The following SLC38A12 variants were observed in gnomAD, a reference collection of about 807,000 sequenced individuals.
The protein encoded by SLC38A12 is solute carrier family 38 member 12, also known as putative sodium-coupled neutral amino acid transporter 12.
the SLC38A12 span, chr17:74,794,981 GC>G: frequency 1.3e-6 from 2 of 1,575,328 alleles, no homozygotes; most frequent in Non-Finnish European, 1.7e-6. Flanking sequence ...TCTCTTTGTG[GC>G]TCCCTGACTG....
chr17:74,782,370 T>C, the SLC38A12 span, among the ~76,000 whole-genome samples: 1 of 152,054 alleles, frequency 6.6e-6, no homozygotes, highest in South Asian at 2.1e-4. Flanking sequence ...ACCCGGCCTG[T>C]AGTTGTTTTC....
At chr17:74,809,924 T>A in the SLC38A12 span, among the ~76,000 whole-genome samples, 2 of 152,194 alleles carry the variant, frequency 1.3e-5, no homozygotes, top group Admixed American at 6.5e-5. Flanking sequence ...AGAGTTCATC[T>A]TTATCTCCGC....
chr17:74,783,819 C>T, the SLC38A12 span, among the ~76,000 whole-genome samples: 1 of 148,856 alleles, frequency 6.7e-6, no homozygotes, highest in South Asian at 2.1e-4. Context: ...CAACCTCCAC[C>T]TCCCGGGTTC....
chr17:74,836,673 G>A, the SLC38A12 span: 16 of 1,600,762 alleles, frequency 1.0e-5, no homozygotes, highest in East Asian at 2.2e-5. This position sits in a 1 kb window ranked among gnomAD's most constrained non-coding sequence, Gnocchi z 4.2. Flanking sequence ...CATCCTCAGC[G>A]AGACCAAGCT....
At chr17:74,807,235 C>T in the SLC38A12 span, among the ~76,000 whole-genome samples, 1 of 152,154 alleles carries the variant, frequency 6.6e-6, no homozygotes, top group Non-Finnish European at 1.5e-5. Context: ...CTCAGGACCC[C>T]TCTTCCCTCA....
At chr17:74,828,402 G>C in the SLC38A12 span, among the ~76,000 whole-genome samples, 1 of 152,194 alleles carries the variant, frequency 6.6e-6, no homozygotes. Context: ...TGCACAACTC[G>C]GACACCCAAA....
At chr17:74,824,448 GC>G in the SLC38A12 span, among the ~76,000 whole-genome samples, 2 of 151,970 alleles carry the variant, frequency 1.3e-5, no homozygotes, top group African/African-American at 4.8e-5. Context: ...GCGGGAGGCT[GC>G]CCCTGCCCCG....
At chr17:74,801,175 T>C in the SLC38A12 span, among the ~76,000 whole-genome samples, 5 of 152,206 alleles carry the variant, frequency 3.3e-5, no homozygotes. Flanking sequence ...CTCCTTTCCT[T>C]TTCTTCTCCC....
the SLC38A12 span, among the ~76,000 whole-genome samples, chr17:74,786,567 C>A: frequency 6.6e-6 from 1 of 151,990 alleles, no homozygotes; most frequent in East Asian, 1.9e-4. Flanking sequence ...CGTAACAGGG[C>A]GAGGGGACTA....
the SLC38A12 span, chr17:74,836,997 A>T: frequency 1.0e-4 from 116 of 1,155,990 alleles, no homozygotes; most frequent in Non-Finnish European, 1.1e-4. This position sits in a 1 kb window ranked among gnomAD's most constrained non-coding sequence, Gnocchi z 4.2. Flanking sequence ...TTCACCCCCA[A>T]CCCTACTTCC....
chr17:74,814,239 G>A, the SLC38A12 span, among the ~76,000 whole-genome samples: 68 of 152,194 alleles, frequency 4.5e-4, no homozygotes, highest in Middle Eastern at 3.4e-3. Flanking sequence ...GGGAAGCCGG[G>A]CATCCCAGGC....
the SLC38A12 span, chr17:74,839,205 A>G: frequency 2.0e-6 from 3 of 1,476,008 alleles, no homozygotes; most frequent in Non-Finnish European, 1.8e-6. Flanking sequence ...TAGACTGGGA[A>G]GCACTGCTGG....
At chr17:74,803,329 A>G in the SLC38A12 span, among the ~76,000 whole-genome samples, 1 of 152,076 alleles carries the variant, frequency 6.6e-6, no homozygotes, top group South Asian at 2.1e-4. Flanking sequence ...TGGGGTGGAC[A>G]TCATAGGCAG....
the SLC38A12 span, among the ~76,000 whole-genome samples, chr17:74,783,920 G>A: frequency 1.3e-5 from 2 of 151,396 alleles, no homozygotes; most frequent in Admixed American, 1.3e-4. Flanking sequence ...GTAGAGACAG[G>A]GTTTCACCAT....
chr17:74,787,554 G>A, the SLC38A12 span, among the ~76,000 whole-genome samples: 9 of 151,412 alleles, frequency 5.9e-5, no homozygotes, highest in African/African-American at 1.7e-4. Flanking sequence ...CCCGGGAAGC[G>A]GAGCTTGCAG....
chr17:74,805,129 C>T, the SLC38A12 span, among the ~76,000 whole-genome samples: 3 of 152,252 alleles, frequency 2.0e-5, no homozygotes, highest in East Asian at 1.9e-4. The surrounding 1 kb of genome is among the most constrained non-coding windows in gnomAD (Gnocchi z 5.0). Context: ...CCTGCTGGCG[C>T]AGATCTGTCG....
chr17:74,838,345 C>G, the SLC38A12 span: 1 of 995,172 alleles, frequency 1.0e-6, no homozygotes, highest in African/African-American at 1.7e-5. Context: ...GTGGTCAGGC[C>G]AAGAGCAAGG....
chr17:74,836,237 C>T, the SLC38A12 span: 190 of 1,611,614 alleles, frequency 1.2e-4, no homozygotes, highest in East Asian at 3.1e-3. This position sits in a 1 kb window ranked among gnomAD's most constrained non-coding sequence, Gnocchi z 4.2. Flanking sequence ...GCTGTGACGT[C>T]GTGGGCCTGG....
At chr17:74,786,907 G>A in the SLC38A12 span, among the ~76,000 whole-genome samples, 1 of 152,272 alleles carries the variant, frequency 6.6e-6, no homozygotes, top group Admixed American at 6.5e-5. Flanking sequence ...CTAATGGGAA[G>A]TGATCATTCT....
Sources: gnomAD v4.1 joint callset for allele counts (sites outside exome capture counted in the v4.1 genomes callset) on GRCh38, gnomAD v4.1.1 for gene constraint, Gnocchi (gnomAD v3.1) non-coding constraint, MANE v1.5 for transcripts, NCBI Gene and HGNC (gene_info 2026-07-23, HGNC 2026-07-21) for gene names.